The following TJP1 variants were observed in gnomAD, a reference collection of about 807,000 sequenced individuals.
TJP1 encodes the protein tight junction protein ZO-1.
Under a neutral mutation model 194.2 loss-of-function variants are expected in TJP1, and 43 were observed. The ratio of observed to expected loss-of-function variants is 0.22; its 90% CI spans 0.17 to 0.29. The LOEUF (loss-of-function observed/expected upper bound fraction) is 0.29, where lower values mean the gene tolerates loss of function less well. Ranked by LOEUF, TJP1 falls within the 10% of genes least tolerant of loss-of-function variation. The pLI is 1.00. For missense variants in TJP1, 1,971 were observed against 2,185.7 expected, an observed-to-expected ratio of 0.90 and a Z score of 1.96; for synonymous variants, 801 against 779.0, an observed-to-expected ratio of 1.03 and a Z score of -0.47.
chr15:29,830,794 C>G (rs564862512), intron 2 of TJP1, among the ~76,000 whole-genome samples: 1 of 152,024 alleles, frequency 6.6e-6, no homozygotes, highest in African/African-American at 2.4e-5. Flanking sequence ...CAACTAGGAA[C>G]AGCTGATTAC....
chr15:29,722,894 G>A (rs1427198516), intron 18 of TJP1, among the ~76,000 whole-genome samples: 1 of 152,210 alleles, frequency 6.6e-6, no homozygotes, highest in Non-Finnish European at 1.5e-5. Context: ...GGAGCTTTAA[G>A]ATTTAATGAC....
chr15:29,855,435 A>C lies in TJP1; in HGVS notation c.307-54733T>G, dbSNP rs1047735076. ...AATAGATAAATGTTTGAAGTTATAG[A>C]TATCCCAATTACCCTGATATGATCA... On this transcript the variant is annotated intron_variant, in intron 2 of 28. Coordinates refer to the TJP1 transcript ENST00000356107. Among the ~76,000 whole-genome samples the C allele has an allele frequency of 6.6e-5, 10 of 152,352 alleles. 1 individual carries two copies. Among genetic ancestry groups the C allele is most frequent in the Admixed American group, 5.9e-4 (9 of 15,300 alleles).
intron 18 of TJP1, among the ~76,000 whole-genome samples, chr15:29,725,782 A>G (rs2043203358): frequency 6.6e-6 from 1 of 152,212 alleles, no homozygotes; most frequent in Non-Finnish European, 1.5e-5. Flanking sequence ...AATATCTCCC[A>G]GTATGTTGTG....
At chr15:29,949,589 TCCACAA>T (rs2055519245) in intron 2 of TJP1, among the ~76,000 whole-genome samples, 7 of 49,658 alleles carry the variant, frequency 1.4e-4, no homozygotes, top group African/African-American at 4.2e-4. Context: ...CACCTCCACC[TCCACAA>T]CCACCACCTC....
At chr15:29,953,700 G>C (rs1432372726) in intron 2 of TJP1, among the ~76,000 whole-genome samples, 1 of 152,094 alleles carries the variant, frequency 6.6e-6, no homozygotes, top group African/African-American at 2.4e-5. Flanking sequence ...TAAGATACAG[G>C]AAATGTAAAT....
At chr15:29,851,234 C>G (rs1476317267) in intron 2 of TJP1, among the ~76,000 whole-genome samples, 1 of 151,864 alleles carries the variant, frequency 6.6e-6, no homozygotes, top group East Asian at 1.9e-4. Context: ...AAACCTCTAG[C>G]AAGACTGACA....
At chr15:29,886,819 T>C (rs2053129923) in intron 2 of TJP1, among the ~76,000 whole-genome samples, 1 of 152,028 alleles carries the variant, frequency 6.6e-6, no homozygotes, top group Admixed American at 6.6e-5. Context: ...TTAGTACATG[T>C]CATGGGCTCG....
intron 1 of TJP1, among the ~76,000 whole-genome samples, chr15:29,811,503 T>C (rs960058642): frequency 6.6e-6 from 1 of 151,952 alleles, no homozygotes; most frequent in African/African-American, 2.4e-5. Context: ...AGACCTGAGG[T>C]GCTCAGCAAA....
intron 2 of TJP1, among the ~76,000 whole-genome samples, chr15:29,835,974 A>G (rs1165099032): frequency 2.6e-5 from 4 of 152,160 alleles, no homozygotes; most frequent in Admixed American, 2.6e-4. Context: ...AATTTCTTTT[A>G]AAATTTTTCC....
intron 2 of TJP1, among the ~76,000 whole-genome samples, chr15:29,878,215 A>AT (rs933912764): frequency 6.0e-5 from 9 of 150,152 alleles, no homozygotes; most frequent in South Asian, 2.1e-4. Context: ...ATGCTTGGCT[A>AT]TTTTTTTTGT....
At chr15:29,795,514 G>A (rs117798246) in intron 2 of TJP1, among the ~76,000 whole-genome samples, 1 of 150,296 alleles carries the variant, frequency 6.7e-6, no homozygotes, top group East Asian at 2.0e-4. Context: ...TAAAATTAAA[G>A]AAACTGAATT....
chr15:29,794,904 A>G (rs1405918676), intron 2 of TJP1, among the ~76,000 whole-genome samples: 1 of 152,164 alleles, frequency 6.6e-6, no homozygotes, highest in East Asian at 1.9e-4. Flanking sequence ...AAACAGAATA[A>G]AGAATGTCAC....
chr15:29,968,530 C>T lies in TJP1; in HGVS notation c.173+137G>A, dbSNP rs895053587. On this transcript the variant is annotated intron_variant, in intron 1 of 28. Coordinates refer to the TJP1 transcript ENST00000356107. ...CTGCTGCGCCCCGCGCGGCGCGCCCCGCGTCCCGTCGGGCCCGACAGTCGC... is the reference window on the plus strand; with the variant it reads ...CTGCTGCGCCCCGCGCGGCGCGCCCTGCGTCCCGTCGGGCCCGACAGTCGC... 3.7e-6 allele frequency: 3 copies of T among 808,288 alleles called. No homozygotes were observed. In the African/African-American group the frequency reaches 5.6e-5, roughly 15 times the overall value. The allele number at this position is 808,288 out of a possible 1,614,324, so 50.1% of individuals were successfully genotyped here.
In TJP1 at chr15:29,705,512, A is replaced by G. The variant is rs746289383; in HGVS notation, c.5068+16T>C. 1.9e-6 allele frequency: 3 copies of G among 1,613,594 alleles called. No homozygotes were observed. The highest frequency in any genetic ancestry group is 2.2e-5 in the South Asian group (2 of 90,960). ...CTTAAGTTATCAAAACTAAGGAGAA[A>G]AATAAACACATTTACCTTTCTCTTT... On this transcript the variant is annotated intron_variant, in intron 26 of 27. Transcript: ENST00000614355.
At chr15:29,739,600 C>G (rs1050635983) in intron 10 of TJP1, among the ~76,000 whole-genome samples, 10 of 151,642 alleles carry the variant, frequency 6.6e-5, no homozygotes, top group African/African-American at 2.2e-4. Flanking sequence ...CCCGCCACCA[C>G]GCCCGGCTAA....
At chr15:29,736,462 G>A (rs976254017) in intron 11 of TJP1, among the ~76,000 whole-genome samples, 3 of 152,192 alleles carry the variant, frequency 2.0e-5, no homozygotes, top group East Asian at 1.9e-4. Context: ...GAGAGGCCAC[G>A]GCAAAGACTT....
chr15:29,928,159 C>T (rs2054583875), intron 2 of TJP1, among the ~76,000 whole-genome samples: 1 of 150,826 alleles, frequency 6.6e-6, no homozygotes, highest in Non-Finnish European at 1.5e-5. Flanking sequence ...AGAAACATAC[C>T]CACAATTGCT....
chr15:29,806,852 C>A (rs763160232), intron 1 of TJP1, among the ~76,000 whole-genome samples: 1 of 151,814 alleles, frequency 6.6e-6, no homozygotes, highest in African/African-American at 2.4e-5. Flanking sequence ...TCTGATGGGC[C>A]GTCATTTAAA....
intron 2 of TJP1, among the ~76,000 whole-genome samples, chr15:29,946,781 C>A (rs184146748): frequency 1.3e-5 from 2 of 152,116 alleles, no homozygotes; most frequent in African/African-American, 4.8e-5. Flanking sequence ...TAACATTATG[C>A]CAGGTATTAT....
Sources: allele counts gnomAD v4.1 joint callset (sites outside exome capture counted in the v4.1 genomes callset), GRCh38; gene constraint gnomAD v4.1.1; transcripts MANE v1.5; gene names NCBI Gene and HGNC (gene_info 2026-07-23, HGNC 2026-07-21).